Variants in EVC observed in about 807,000 individuals in gnomAD.
EVC encodes EvC ciliary complex subunit 1.
In EVC, 116 loss-of-function variants were observed where a neutral mutation model predicts 118.9. That is an observed-to-expected ratio of 0.98 (90% CI 0.84 to 1.14). EVC has a LOEUF of 1.14. Among genes scored for constraint, EVC ranks in the 50% most tolerant of loss-of-function variants. The pLI is 0.00. For missense variants in EVC, 1,401 were observed against 1,246.4 expected (o/e 1.12, Z -1.87); for synonymous variants, 619 against 534.7 (o/e 1.16, Z -2.18).
chr4:5,782,076 T>G (rs1186573096), intron 11 of EVC, among the ~76,000 whole-genome samples: 2 of 152,062 alleles, frequency 1.3e-5, no homozygotes, highest in African/African-American at 4.8e-5. Context: ...TTTTTGTTTT[T>G]GTTTGTTTTT....
At chr4:5,751,949 T>G (rs1220321564) in intron 8 of EVC, among the ~76,000 whole-genome samples, 1 of 152,090 alleles carries the variant, frequency 6.6e-6, no homozygotes, top group East Asian at 1.9e-4. Flanking sequence ...GGTGCTGGAC[T>G]TGATCTCAGG....
intron 5 of EVC, among the ~76,000 whole-genome samples, chr4:5,736,280 T>TAC (rs10556213): frequency 0.021 from 3,109 of 149,502 alleles, 80 homozygotes; most frequent in African/African-American, 0.057. Flanking sequence ...TGCATAGAAC[T>TAC]ACACACACAC....
In EVC at chr4:5,777,406, A is replaced by G. The variant is rs568838389; in HGVS notation, c.1564-6146A>G. ...ACCAGGCCCCCACCCGTAATGAACA[A>G]TGAACTTGAACTTCGGTCCTCTGAC... On this transcript the variant is annotated intron_variant, in intron 11 of 20. Transcript: ENST00000264956. Among the ~76,000 whole-genome samples the G allele has an allele frequency of 4.6e-5, 7 of 152,254 alleles. No homozygotes were observed. The East Asian group carries it at 5.8e-4, about 13-fold the overall frequency.
Position 5,729,340 on chromosome 4 carries a change from G to A in EVC, c.334G>A (p.Ala112Thr), listed in dbSNP as rs567280707. Residue 112 changes from alanine (A) to threonine (T), a missense_variant, in exon 3 of 21, where the codon GCA becomes ACA. Physicochemically the swap from Ala to Thr is moderately conservative, Grantham distance 58 (BLOSUM62 0). Transcript: ENST00000264956. ...CEPPSNSNIT[A>T]FALKAKVIYP... ...GCCGCCTTCCAACAGCAATATCACA[G>A]CATTCGCCCTGAAGGCCAAAGTCAT... 1.2e-6 allele frequency: 2 copies of A among 1,614,114 alleles called. No homozygotes were observed. Among genetic ancestry groups the A allele is most frequent in the Non-Finnish European group, 1.7e-6 (2 of 1,180,028 alleles).
At chr4:5,724,983 T>C (rs886156805) in intron 2 of EVC, among the ~76,000 whole-genome samples, 12 of 152,134 alleles carry the variant, frequency 7.9e-5, no homozygotes, top group Admixed American at 1.3e-4. Flanking sequence ...GGTGTTTGGT[T>C]TTCTGTTCCT....
chr4:5,796,046 G>A (rs1020842362), intron 13 of EVC, among the ~76,000 whole-genome samples: 1 of 151,746 alleles, frequency 6.6e-6, no homozygotes, highest in African/African-American at 2.4e-5. Context: ...TTCCTTTGAG[G>A]TATCTTCCAG....
intron 7 of EVC, among the ~76,000 whole-genome samples, chr4:5,747,601 C>T (rs572262054): frequency 2.6e-5 from 4 of 152,302 alleles, no homozygotes; most frequent in South Asian, 4.1e-4. Context: ...AAACCTCCTG[C>T]ATTCTAAGCC....
chr4:5,780,677 A>T (rs577638956), intron 11 of EVC, among the ~76,000 whole-genome samples: 2 of 152,202 alleles, frequency 1.3e-5, no homozygotes, highest in African/African-American at 4.8e-5. Flanking sequence ...CAATCATACA[A>T]CCAGTGCCTG....
the EVC span, chr4:5,821,618 C>T: frequency 2.5e-6 from 2 of 798,252 alleles, no homozygotes. This position sits in a 1 kb window ranked among gnomAD's most constrained non-coding sequence, Gnocchi z 4.4. Context: ...TCTTCCTAAA[C>T]AGAAAAGGGA....
At chr4:5,753,233 C>G (rs1374682767) in intron 9 of EVC, among the ~76,000 whole-genome samples, 181 bp downstream of exon 9, 2 of 152,228 alleles carry the variant, frequency 1.3e-5, no homozygotes, top group Non-Finnish European at 2.9e-5. Context: ...CTTCCCTTCT[C>G]TGTACAGCAG....
chr4:5,727,042 G>A (rs1322386913), intron 2 of EVC, among the ~76,000 whole-genome samples: 4 of 152,296 alleles, frequency 2.6e-5, no homozygotes, highest in South Asian at 2.1e-4. Flanking sequence ...ACATGTGCAT[G>A]TGTCTTTATA....
intron 13 of EVC, 95 bp from the exon 14 acceptor site, chr4:5,796,927 G>A (rs947209252): frequency 1.1e-6 from 1 of 931,218 alleles, no homozygotes; most frequent in African/African-American, 1.6e-5. Flanking sequence ...TCCTTTTGGA[G>A]GGGCCTCTTG....
At chr4:5,805,198 C>T (rs1161619372) in intron 17 of EVC, among the ~76,000 whole-genome samples, 2 of 152,124 alleles carry the variant, frequency 1.3e-5, no homozygotes, top group Non-Finnish European at 2.9e-5. Flanking sequence ...AGGTTGTTTA[C>T]CTGGGAGGTG....
intron 13 of EVC, among the ~76,000 whole-genome samples, chr4:5,795,482 T>G (rs921151150): frequency 1.3e-5 from 2 of 152,112 alleles, no homozygotes; most frequent in South Asian, 4.1e-4. Flanking sequence ...TGAAACCCTG[T>G]CTCTACTAAA....
At chr4:5,826,641 G>A in the EVC span, 2 of 152,300 alleles carry the variant, frequency 1.3e-5, no homozygotes, top group Non-Finnish European at 2.9e-5. Flanking sequence ...GGCCAAGGTT[G>A]GGAGGGCACC....
At chr4:5,775,952 G>T (rs12651437) in intron 11 of EVC, among the ~76,000 whole-genome samples, 16,340 of 151,978 alleles carry the variant, frequency 0.11, 1,169 homozygotes, top group South Asian at 0.21. Flanking sequence ...TATTTAGGTC[G>T]TATTTAATTT....
intron 17 of EVC, among the ~76,000 whole-genome samples, chr4:5,806,205 G>A (rs771311302): frequency 1.3e-5 from 2 of 151,690 alleles, no homozygotes; most frequent in Admixed American, 6.6e-5. Context: ...TCAGTCTCCC[G>A]AGTAGCTGGG....
At chr4:5,757,340 C>G (rs1254368825) in intron 11 of EVC, among the ~76,000 whole-genome samples, 1 of 152,180 alleles carries the variant, frequency 6.6e-6, no homozygotes, top group East Asian at 1.9e-4. Flanking sequence ...CCCAAGTGGA[C>G]AAGGAGTCAG....
the EVC span, chr4:5,825,682 TG>T: frequency 6.2e-7 from 1 of 1,610,646 alleles, no homozygotes; most frequent in Admixed American, 1.7e-5. This position sits in a 1 kb window ranked among gnomAD's most constrained non-coding sequence, Gnocchi z 4.4. Flanking sequence ...AGGGAGAGTG[TG>T]ATTGATCGAC....
Sources: allele counts gnomAD v4.1 joint callset (sites outside exome capture counted in the v4.1 genomes callset), GRCh38; gene constraint gnomAD v4.1.1; non-coding constraint Gnocchi (gnomAD v3.1); transcripts MANE v1.5; gene names NCBI Gene and HGNC (gene_info 2026-07-23, HGNC 2026-07-21).